The following ANXA4 variants were observed in gnomAD, a reference collection of about 807,000 sequenced individuals.
The protein encoded by ANXA4 is annexin A4.
Under a neutral mutation model 49.8 loss-of-function variants are expected in ANXA4, and 39 were observed. That is an observed-to-expected ratio of 0.78 (90% confidence interval 0.61 to 1.02). The LOEUF (loss-of-function observed/expected upper bound fraction) is 1.02. ANXA4 is among the 50% of genes least tolerant of loss of function. The probability of loss-of-function intolerance (pLI) is 0.00; values close to 1 mark genes in which losing one functional copy is unlikely to be tolerated. For synonymous variants in ANXA4, 134 were observed against 152.5 expected (o/e 0.88, Z 0.89); for missense variants, 360 against 410.1 (o/e 0.88, Z 1.05).
intron 1 of ANXA4, among the ~76,000 whole-genome samples, chr2:69,746,703 G>C (rs1008738818): frequency 6.6e-6 from 1 of 151,902 alleles, no homozygotes; most frequent in South Asian, 2.1e-4. Flanking sequence ...ACTGCTTGAC[G>C]TGAAAAAACA....
Position 69,810,330 on chromosome 2 carries a change from G to C in ANXA4, c.398-264G>C, listed in dbSNP as rs187299332. ...GCTGAGATGGTGCCACTGCACTCCA[G>C]ACTCCATCCAGCCTGGGCAACAGAA... On this transcript the variant is annotated intron_variant, in intron 6 of 12. Transcript: ENST00000394295. The C allele has an allele frequency of 1.3e-4, 51 of 407,864 alleles. 1 individual carries two copies. Among genetic ancestry groups the C allele is most frequent in the African/African-American group, 7.9e-4 (39 of 49,248 alleles). The allele number at this position is 407,864 out of a possible 1,614,324, so 25.3% of individuals were successfully genotyped here.
chr2:69,787,430 A>C (rs2103698341), intron 2 of ANXA4, among the ~76,000 whole-genome samples: 1 of 152,320 alleles, frequency 6.6e-6, no homozygotes, highest in East Asian at 1.9e-4. Context: ...GCTGTGTCTG[A>C]GAGTCTGGAT....
At chr2:69,762,735 C>T (rs145289557) in intron 1 of ANXA4, among the ~76,000 whole-genome samples, 54 of 152,242 alleles carry the variant, frequency 3.5e-4, no homozygotes, top group African/African-American at 1.2e-3. Context: ...ATGAGGAGGG[C>T]CAGCTATGGG....
At position 69,648,681 on chromosome 2, in the gene ANXA4, G is replaced by A. The variant is rs545255626; in HGVS notation, n.481+3776G>A. 4.0e-5 allele frequency among the ~76,000 whole-genome samples: 6 copies of A among 151,788 alleles called. No homozygotes were observed. The South Asian group carries it at 1.0e-3, about 26-fold the overall frequency. On this transcript the variant is annotated intron_variant and non_coding_transcript_variant, in intron 1 of 3. Transcript: ENST00000418066. ...TCTATTAAAAATACAAAAATTAGCC[G>A]GGCATGGTGGCATGCACCTGTAATA...
At chr2:69,721,737 A>G (rs2105428540) in intron 3 of ANXA4, among the ~76,000 whole-genome samples, 1 of 152,272 alleles carries the variant, frequency 6.6e-6, no homozygotes, top group African/African-American at 2.4e-5. Context: ...AACTCCAGGT[A>G]AGCAGCTATT....
rs780335187 is a variant in ANXA4, at chr2:69,804,707, G to A, written c.192+80G>A. On this transcript the variant is annotated intron_variant, in intron 4 of 12. Transcript: ENST00000394295. ...GGGCCTCTTCCTGATCTAGGTTCCC[G>A]AAGTGACCTTGTGTTTTAAAAGATC... is the stretch of plus-strand genomic sequence containing the variant. 12 of 1,203,776 alleles carry A rather than the reference G, an allele frequency of 1.0e-5. 1 individual carries two copies. Among genetic ancestry groups the A allele is most frequent in the South Asian group, 1.3e-5 (1 of 75,760 alleles). The allele number at this position is 1,203,776 out of a possible 1,614,324, so 74.6% of individuals were successfully genotyped here.
intron 3 of ANXA4, among the ~76,000 whole-genome samples, chr2:69,736,229 G>T (rs59671387): frequency 1.3e-5 from 2 of 152,284 alleles, no homozygotes; most frequent in East Asian, 3.9e-4. Flanking sequence ...GAGGTGGGGG[G>T]CAGGGTTTTT....
intron 1 of ANXA4, among the ~76,000 whole-genome samples, chr2:69,649,384 G>A (rs1021926073): frequency 1.3e-5 from 2 of 151,392 alleles, no homozygotes; most frequent in Admixed American, 1.3e-4. Flanking sequence ...CCATATATAA[G>A]TACCTTTTTT....
At chr2:69,719,444 T>G (rs1669759908) in intron 2 of ANXA4, among the ~76,000 whole-genome samples, 1 of 151,266 alleles carries the variant, frequency 6.6e-6, no homozygotes, top group Non-Finnish European at 1.5e-5. Flanking sequence ...TAAAAATTAT[T>G]ATTATTTTTT....
intron 3 of ANXA4, among the ~76,000 whole-genome samples, chr2:69,798,606 G>C (rs77217810): frequency 4.6e-5 from 7 of 152,166 alleles, no homozygotes; most frequent in African/African-American, 1.7e-4. Flanking sequence ...CAACATTCCC[G>C]GCACCCTGAG....
chr2:69,682,015 G>A (rs1677616979), intron 2 of ANXA4, among the ~76,000 whole-genome samples: 1 of 151,912 alleles, frequency 6.6e-6, no homozygotes, highest in Non-Finnish European at 1.5e-5. Context: ...CTTTTTTAAT[G>A]TTTTGTAGAG....
At chr2:69,782,790 A>G (rs975158349) in intron 2 of ANXA4, among the ~76,000 whole-genome samples, 9 of 152,230 alleles carry the variant, frequency 5.9e-5, no homozygotes, top group Admixed American at 2.0e-4. Flanking sequence ...GAAGACTGTA[A>G]TCAAGTGGCC....
At chr2:69,648,349 G>A (rs890480820) in intron 1 of ANXA4, among the ~76,000 whole-genome samples, 4 of 152,126 alleles carry the variant, frequency 2.6e-5, no homozygotes, top group South Asian at 4.1e-4. Context: ...GTCTTTTAGC[G>A]AAGTGGAACT....
At position 69,684,697 on chromosome 2, in the gene ANXA4, AAAAAG is replaced by A. The variant is rs1157872991; in HGVS notation, n.766+31419_766+31423del. On this transcript the variant is annotated intron_variant and non_coding_transcript_variant, in intron 2 of 3. Transcript: ENST00000418066. ...AGCAAGACTGTCTCAAAAAAAAAAA[AAAAAG>A]AAAGAAAGAGAAAAAAAAACCCCAT... Among the ~76,000 whole-genome samples, 241 of 151,774 alleles carry A rather than the reference AAAAAG, an allele frequency of 1.6e-3. 1 individual carries two copies. Among genetic ancestry groups the A allele is most frequent in the African/African-American group, 5.3e-3 (219 of 41,376 alleles).
chr2:69,705,401 CAA>C (rs1474401820), intron 2 of ANXA4, among the ~76,000 whole-genome samples: 1 of 152,174 alleles, frequency 6.6e-6, no homozygotes. Flanking sequence ...ACTTTTTCTA[CAA>C]TGAATATGTG....
intron 1 of ANXA4, among the ~76,000 whole-genome samples, chr2:69,745,962 G>A (rs1254904000): frequency 6.6e-6 from 1 of 152,138 alleles, no homozygotes; most frequent in Non-Finnish European, 1.5e-5. Flanking sequence ...TCTAGGTAAT[G>A]TGGTAAATGC....
chr2:69,808,509 C>T (rs556618921), intron 6 of ANXA4: 1 of 156,298 alleles, frequency 6.4e-6, no homozygotes, highest in African/African-American at 2.4e-5. Context: ...TAAAAATGCA[C>T]AGAGGTTCAG....
chr2:69,678,269 A>G (rs967945420), intron 2 of ANXA4, among the ~76,000 whole-genome samples: 2 of 151,500 alleles, frequency 1.3e-5, no homozygotes, highest in Middle Eastern at 6.9e-3. Context: ...ATTTAATGAC[A>G]GTTCTAGAAG....
chr2:69,687,651 G>A (rs568001216), intron 2 of ANXA4, among the ~76,000 whole-genome samples: 97 of 152,236 alleles, frequency 6.4e-4, no homozygotes, highest in African/African-American at 2.0e-3. Context: ...GATGGTTCAC[G>A]CATCAAAAGA....
Sources: allele counts gnomAD v4.1 joint callset (sites outside exome capture counted in the v4.1 genomes callset), GRCh38; gene constraint gnomAD v4.1.1; transcripts MANE v1.5; gene names NCBI Gene and HGNC (gene_info 2026-07-23, HGNC 2026-07-21).